MRPL16: variants seen among roughly 807,000 people sequenced by gnomAD.
The protein encoded by MRPL16 is large ribosomal subunit protein uL16m.
In MRPL16, 17 loss-of-function variants were observed where a neutral mutation model predicts 22.7. The ratio of observed to expected loss-of-function variants is 0.75; its 90% confidence interval spans 0.51 to 1.12. The LOEUF (loss-of-function observed/expected upper bound fraction) is 1.12. Among genes scored for constraint, MRPL16 ranks in the 50% most tolerant of loss-of-function variants. The pLI is 0.00. For missense variants in MRPL16, 316 were observed against 328.7 expected (o/e 0.96, Z 0.30); for synonymous variants, 103 against 112.8 (o/e 0.91, Z 0.55).
Position 59,806,292 on chromosome 11 carries a change from T to G in MRPL16, c.*55A>C. 2 of 1,569,894 alleles carry G rather than the reference T, an allele frequency of 1.3e-6. No homozygotes were observed. The highest frequency in any genetic ancestry group is 1.2e-5 in the South Asian group (1 of 84,710). ...ACTTCAGTGGGTAGGCTGAGGGGAA[T>G]AGAAATGCAGAATCCTTCTTTCAGT... On this transcript the variant is annotated 3_prime_UTR_variant, in exon 4 of 4. Coordinates refer to ENST00000300151, the MANE Select transcript of MRPL16 (RefSeq NM_017840.4).
intron 3 of MRPL16, chr11:59,807,191 T>C (rs1314894760): frequency 4.3e-6 from 1 of 234,322 alleles, no homozygotes; most frequent in Non-Finnish European, 8.4e-6. Context: ...GTGGCTGGAG[T>C]AGGGTGAGGA....
intron 1 of MRPL16, 77 bp downstream of exon 1, chr11:59,810,527 G>T: frequency 1.3e-6 from 2 of 1,597,304 alleles, no homozygotes; most frequent in Non-Finnish European, 1.7e-6. Context: ...GCCGCCTTTT[G>T]GGTTAGGGAG....
chr11:59,806,359 G>A lies in MRPL16; in HGVS notation c.744C>T (p.Pro248=). The change falls in exon 4 of 4, where the codon CCC becomes CCT. Residue 248 remains proline, a synonymous_variant. Coordinates refer to ENST00000300151, the MANE Select transcript of MRPL16 (RefSeq NM_017840.4). ...TCTCCTACACTCACTACACACGTTTGGGCATGTAGAACTTGCCCCAGTATT... is the reference window on the plus strand; with the variant it reads ...TCTCCTACACTCACTACACACGTTTAGGCATGTAGAACTTGCCCCAGTATT... ...KGKYWGKFYM[P]KRV 6.2e-7 allele frequency: 1 copy of A among 1,614,074 alleles called. No homozygotes were observed. The highest frequency in any genetic ancestry group is 2.2e-5 in the East Asian group (1 of 44,878).
In MRPL16 at chr11:59,806,661, C is replaced by G. The variant is rs1320688148; in HGVS notation, c.442G>C (p.Asp148His). The change falls in exon 4 of 4, where the codon GAC becomes CAC. Residue 148 changes from aspartate (D) to histidine (H), a missense_variant. By Grantham distance (81) the Asp-to-His change is moderately conservative. Transcript: ENST00000300151. Reference sequence around the variant, plus strand: ...GCCTTCACAGGTGTCACGTAGTGGTCAATAGCACCTTTGCCTCCCCCCATG... The same window carrying G: ...GCCTTCACAGGTGTCACGTAGTGGTGAATAGCACCTTTGCCTCCCCCCATG... ...HRMGGGKGAI[D>H]HYVTPVKAGR... is the part of the protein sequence containing the mutation. 6.2e-7 allele frequency: 1 copy of G among 1,614,208 alleles called. No homozygotes were observed. The highest frequency in any genetic ancestry group is 1.1e-5 in the South Asian group (1 of 91,066).
Position 59,810,724 on chromosome 11 carries a change from G to A in MRPL16, c.-66C>T. 1.9e-6 allele frequency: 3 copies of A among 1,591,476 alleles called. No homozygotes were observed. The South Asian group carries it at 3.3e-5, about 18-fold the overall frequency. On this transcript the variant is annotated 5_prime_UTR_variant, in exon 1 of 4. Transcript: ENST00000300151. Reference sequence around the variant, plus strand: ...CCGGCTGTCTCCTGCACCCAGGTAAGCAGCGGCGCTCCACTACCTAGCTGT... The same window carrying A: ...CCGGCTGTCTCCTGCACCCAGGTAAACAGCGGCGCTCCACTACCTAGCTGT...
chr11:59,807,942 ATTTC>A (rs1866131136), intron 2 of MRPL16, 93 bp from the exon 3 acceptor site: 1 of 1,358,712 alleles, frequency 7.4e-7, no homozygotes, highest in Non-Finnish European at 9.8e-7. Context: ...GAAAGTCTTA[ATTTC>A]TTTCTTCTTC....
Position 59,806,783 on chromosome 11 carries a change from A to G in MRPL16, c.320T>C (p.Leu107Pro), listed in dbSNP as rs1416922221. ...GGGGTCCATAGAGCGGTTGATTGTC[A>G]GGCGCATCATTTCAAAGTGGCCCCA... Reference protein sequence around the residue: ...LHWGHFEMMRLTINRSMDPKN... With the variant: ...LHWGHFEMMRPTINRSMDPKN... The change falls in exon 4 of 4, where the codon CTG (leucine) becomes CCG (proline). Residue 107 changes from leucine to proline, a missense_variant. Coordinates refer to ENST00000300151, the MANE Select transcript of MRPL16 (RefSeq NM_017840.4). 6.2e-7 allele frequency: 1 copy of G among 1,612,720 alleles called. No homozygotes were observed. Among genetic ancestry groups the G allele is most frequent in the African/African-American group, 1.3e-5 (1 of 75,032 alleles).
In MRPL16 at chr11:59,809,848, C is replaced by T. The variant is rs1441083989; in HGVS notation, c.121+7G>A. 1 of 1,611,076 alleles carries T rather than the reference C, an allele frequency of 6.2e-7. No individual in the cohort carries two copies. The highest frequency in any genetic ancestry group is 8.5e-7 in the Non-Finnish European group (1 of 1,178,006). On this transcript the variant is annotated splice_region_variant and intron_variant, in intron 2 of 3. Coordinates refer to ENST00000300151, the MANE Select transcript of MRPL16 (RefSeq NM_017840.4). ...GATTTACGAACAGGAGAAAGACAAG[C>T]TCTCACCTTCAAAACTTGGTACTGG...
Position 59,807,847 on chromosome 11 carries a change from C to T in MRPL16, c.124G>A (p.Val42Ile). 1 of 1,603,214 alleles carries T rather than the reference C, an allele frequency of 6.2e-7. No individual in the cohort carries two copies. The highest frequency in any genetic ancestry group is 8.5e-7 in the Non-Finnish European group (1 of 1,175,846). The change falls in exon 3 of 4, where the codon GTT becomes ATT. Residue 42 changes from valine (V) to isoleucine (I), a missense_variant and splice_region_variant. Val to Ile is a conservative substitution (Grantham distance 29). Coordinates refer to ENST00000300151, the MANE Select transcript of MRPL16 (RefSeq NM_017840.4). ...AGCTTGGGTTTTTCAGGAATGGAAACATCTAAAAGAAGCACAGACAACCAG... is the reference window on the plus strand; with the variant it reads ...AGCTTGGGTTTTTCAGGAATGGAAATATCTAAAAGAAGCACAGACAACCAG... ...TLLPVPSFED[V>I]SIPEKPKLRF...
intron 3 of MRPL16, among the ~76,000 whole-genome samples, 161 bp from the exon 4 acceptor site, chr11:59,806,993 AAT>A: frequency 6.6e-6 from 1 of 152,228 alleles, no homozygotes; most frequent in Non-Finnish European, 1.5e-5. Flanking sequence ...GGTACACAGT[AAT>A]AGAGTGAAGG....
At chr11:59,809,029 C>CTATATGTAGCTTCTG (rs2067272274) in intron 2 of MRPL16, among the ~76,000 whole-genome samples, 1 of 152,198 alleles carries the variant, frequency 6.6e-6, no homozygotes, top group African/African-American at 2.4e-5. Context: ...AGCTGCCCCT[C>CTATATGTAGCTTCTG]AACTTCTATA....
chr11:59,810,267 C>T lies in MRPL16; in HGVS notation c.55+337G>A, dbSNP rs139019298. On this transcript the variant is annotated intron_variant, in intron 1 of 3. Coordinates refer to ENST00000300151, the MANE Select transcript of MRPL16 (RefSeq NM_017840.4). ...CAAGTGATTCGCCCGCCTCGGCCTC[C>T]CAAAGTGCTGCTATTAAAGGCGTGA... 7.4e-4 allele frequency: 916 copies of T among 1,234,838 alleles called. 16 individuals are homozygous for T. The East Asian group carries it at 0.03, about 40-fold the overall frequency. 76.5% of individuals were successfully genotyped at this position (1,234,838 alleles called of 1,614,324 possible).
intron 1 of MRPL16, 168 bp from the exon 2 acceptor site, chr11:59,810,088 C>T (rs1044125410): frequency 6.2e-6 from 4 of 643,034 alleles, no homozygotes; most frequent in African/African-American, 5.7e-5. Context: ...TCACTGCAAC[C>T]TCCGCCTCCC....
chr11:59,807,441 A>T (rs1231660937), intron 3 of MRPL16: 1 of 296,414 alleles, frequency 3.4e-6, no homozygotes, highest in African/African-American at 2.2e-5. Flanking sequence ...AAAAGATCTC[A>T]TGATCTGATT....
chr11:59,810,305 G>C (rs1866159881), intron 1 of MRPL16: 1 of 1,283,608 alleles, frequency 7.8e-7, no homozygotes, highest in African/African-American at 1.5e-5. Flanking sequence ...CACCGCGCCC[G>C]CCCAAAAGTA....
intron 1 of MRPL16, chr11:59,810,313 G>C (rs1469850371): frequency 7.7e-7 from 1 of 1,298,238 alleles, no homozygotes; most frequent in Non-Finnish European, 9.8e-7. Context: ...CCGCCCAAAA[G>C]TACTTCCGCC....
rs781434869 is a variant in MRPL16, at chr11:59,806,403, C to T, written c.700G>A (p.Asp234Asn). Residue 234 changes from aspartate (D) to asparagine (N), a missense_variant, in exon 4 of 4, where the codon GAC becomes AAC. Transcript: ENST00000300151. ...CAGTATTTCCCCTTGTGGGTCAAGT[C>T]ATATGGGCTCAGTACTTTCCGTATG... ...LGIRKVLSPYDLTHKGKYWGK... is the reference protein window; with the variant it reads ...LGIRKVLSPYNLTHKGKYWGK... 6.2e-7 allele frequency: 1 copy of T among 1,614,200 alleles called. No individual in the cohort carries two copies. The highest frequency in any genetic ancestry group is 1.1e-5 in the South Asian group (1 of 91,064).
At chr11:59,810,291 G>A (rs1866159725) in intron 1 of MRPL16, 1 of 1,272,122 alleles carries the variant, frequency 7.9e-7, no homozygotes, top group Non-Finnish European at 9.9e-7. Context: ...TTAAAGGCGT[G>A]AGCCACCGCG....
rs1866128746 is a variant in MRPL16 at position 59,807,787 on chromosome 11, C to T, written c.184G>A (p.Val62Ile). 6.2e-7 allele frequency: 1 copy of T among 1,613,446 alleles called. No individual in the cohort carries two copies. The highest frequency in any genetic ancestry group is 8.5e-7 in the Non-Finnish European group (1 of 1,179,730). Reference protein sequence around the residue: ...FIERAPLVPKVRREPKNLSDI... With the variant: ...FIERAPLVPKIRREPKNLSDI... The stretch of plus-strand genomic sequence containing the variant: ...CTTAAATTTTTAGGTTCTCTTCTTA[C>T]TTTTGGCACAAGTGGTGCCCTTTCA... Residue 62 changes from valine (V) to isoleucine (I), a missense_variant, in exon 3 of 4, where the codon GTA (valine) becomes ATA (isoleucine). Physicochemically the swap from Val to Ile is conservative, Grantham distance 29. Coordinates refer to ENST00000300151, the MANE Select transcript of MRPL16 (RefSeq NM_017840.4).
Sources: allele counts gnomAD v4.1 joint callset (sites outside exome capture counted in the v4.1 genomes callset), GRCh38; gene constraint gnomAD v4.1.1; transcripts MANE v1.5; gene names NCBI Gene and HGNC (gene_info 2026-07-23, HGNC 2026-07-21).